GALNTL6: variants seen among roughly 807,000 people sequenced by gnomAD.
GALNTL6 encodes polypeptide N-acetylgalactosaminyltransferase like 6.
A neutral mutation model predicts 73.7 loss-of-function variants in GALNTL6; 46 were observed. That is an observed-to-expected ratio of 0.62 (90% CI 0.49 to 0.80). The LOEUF (loss-of-function observed/expected upper bound fraction) is 0.80, where lower values mean the gene tolerates loss of function less well. GALNTL6 is among the 30% of genes least tolerant of loss of function. The pLI, the probability that GALNTL6 is intolerant of heterozygous loss-of-function variation, is 0.00. For synonymous variants in GALNTL6, 259 were observed against 263.7 expected (o/e 0.98, Z 0.17); for missense variants, 604 against 755.0 (o/e 0.80, Z 2.34).
chr4:172,690,705 C>A (rs956151481), intron 5 of GALNTL6, among the ~76,000 whole-genome samples: 1 of 152,148 alleles, frequency 6.6e-6, no homozygotes, highest in Admixed American at 6.5e-5. Context: ...GATAACATTT[C>A]CCAATTAAAA....
At chr4:172,477,200 A>T (rs1324891412) in intron 5 of GALNTL6, among the ~76,000 whole-genome samples, 1 of 150,370 alleles carries the variant, frequency 6.7e-6, no homozygotes, top group East Asian at 1.9e-4. Context: ...AGAGAGAGAG[A>T]GAGAGCACTC....
chr4:171,962,765 C>CTTTTTTTTT (rs139917729), intron 2 of GALNTL6, among the ~76,000 whole-genome samples: 70 of 113,796 alleles, frequency 6.2e-4, no homozygotes, highest in East Asian at 8.0e-4. Context: ...CTTGCTTTTA[C>CTTTTTTTTT]TTTTTTTTTT....
intron 2 of GALNTL6, among the ~76,000 whole-genome samples, chr4:172,182,510 A>G (rs1735280871): frequency 6.7e-6 from 1 of 149,358 alleles, no homozygotes; most frequent in Non-Finnish European, 1.5e-5. Context: ...TAAATATTTT[A>G]TATTTAAAAT....
chr4:172,355,479 C>G (rs1036944403), intron 5 of GALNTL6, among the ~76,000 whole-genome samples: 3 of 152,196 alleles, frequency 2.0e-5, no homozygotes, highest in African/African-American at 7.2e-5. Flanking sequence ...GTTTCAATGT[C>G]TACCCTATAT....
chr4:172,639,473 A>G (rs1471191702), intron 5 of GALNTL6, among the ~76,000 whole-genome samples: 2 of 152,144 alleles, frequency 1.3e-5, no homozygotes, highest in African/African-American at 4.8e-5. Context: ...CTCTTTGCCT[A>G]GAACTATGGA....
intron 2 of GALNTL6, among the ~76,000 whole-genome samples, chr4:171,836,305 A>G (rs1391999174): frequency 6.6e-6 from 1 of 152,066 alleles, no homozygotes; most frequent in East Asian, 1.9e-4. Context: ...TCTCAGTCAC[A>G]TCCCTTTTTC....
At chr4:172,501,583 A>T (rs1734262142) in intron 5 of GALNTL6, among the ~76,000 whole-genome samples, 1 of 152,126 alleles carries the variant, frequency 6.6e-6, no homozygotes, top group Admixed American at 6.6e-5. Flanking sequence ...GAAGTTGCTA[A>T]GTATGTACTT....
intron 2 of GALNTL6, among the ~76,000 whole-genome samples, chr4:171,871,082 G>A (rs1378430488): frequency 6.6e-6 from 1 of 152,102 alleles, no homozygotes; most frequent in Non-Finnish European, 1.5e-5. Flanking sequence ...ATATTAATGT[G>A]TAATAATAAA....
At chr4:171,824,077 T>TTTTA (rs1301842709) in intron 2 of GALNTL6, among the ~76,000 whole-genome samples, 31 of 129,210 alleles carry the variant, frequency 2.4e-4, no homozygotes, top group Admixed American at 8.3e-4. Flanking sequence ...CAAATCCATT[T>TTTTA]TATATATATA....
intron 3 of GALNTL6, among the ~76,000 whole-genome samples, chr4:172,235,834 CT>C (rs1560983291): frequency 6.6e-6 from 1 of 152,068 alleles, no homozygotes. Context: ...CTATTCCCAT[CT>C]TTTTGTCCAG....
chr4:172,787,024 T>C (rs1739699934), intron 5 of GALNTL6, among the ~76,000 whole-genome samples: 1 of 152,150 alleles, frequency 6.6e-6, no homozygotes, highest in Non-Finnish European at 1.5e-5. Flanking sequence ...GACTTTCTAT[T>C]CTAGGCTGCA....
rs550642542 is a variant in GALNTL6 at position 171,899,475 on chromosome 4, A to C, written c.138+84757A>C. Reference sequence around the variant, plus strand: ...ATGTCAGGGCTCTTGCCATTTTCCTAGCAGCAGGAAAATCGTTTATTTAAT... The same window carrying C: ...ATGTCAGGGCTCTTGCCATTTTCCTCGCAGCAGGAAAATCGTTTATTTAAT... On this transcript the variant is annotated intron_variant, in intron 2 of 12. Transcript: ENST00000506823. 3.9e-5 allele frequency among the ~76,000 whole-genome samples: 6 copies of C among 152,236 alleles called. No homozygotes were observed. In the East Asian group the frequency reaches 9.7e-4, roughly 25 times the overall value.
chr4:172,395,809 G>T (rs1050218570), intron 5 of GALNTL6, among the ~76,000 whole-genome samples: 3 of 152,240 alleles, frequency 2.0e-5, no homozygotes, highest in African/African-American at 7.2e-5. Context: ...AAACATGAAT[G>T]TAATTTTAGT....
chr4:172,737,669 T>G (rs999561623), intron 5 of GALNTL6, among the ~76,000 whole-genome samples: 1 of 152,226 alleles, frequency 6.6e-6, no homozygotes, highest in East Asian at 1.9e-4. Context: ...CTGTTTGCTC[T>G]TGTTTCTTGT....
chr4:172,711,247 T>C (rs559349471), intron 5 of GALNTL6, among the ~76,000 whole-genome samples: 10 of 152,138 alleles, frequency 6.6e-5, no homozygotes, highest in Non-Finnish European at 1.0e-4. Flanking sequence ...GGGAAAAGCA[T>C]TCCAGGCAGA....
intron 5 of GALNTL6, among the ~76,000 whole-genome samples, chr4:172,432,120 A>G (rs1017735253): frequency 1.3e-5 from 2 of 152,092 alleles, no homozygotes; most frequent in Non-Finnish European, 2.9e-5. Flanking sequence ...CCTCTATCAC[A>G]TATCATAATA....
chr4:171,905,026 G>C (rs1298508003), intron 2 of GALNTL6, among the ~76,000 whole-genome samples: 3 of 152,120 alleles, frequency 2.0e-5, no homozygotes, highest in Non-Finnish European at 4.4e-5. Flanking sequence ...ACCGATACGA[G>C]CCACTGCAAA....
chr4:172,188,629 G>A (rs899104913), intron 2 of GALNTL6, among the ~76,000 whole-genome samples: 37 of 152,198 alleles, frequency 2.4e-4, no homozygotes, highest in African/African-American at 8.9e-4. Flanking sequence ...GGTGTGCTAA[G>A]GCAGTGTTTT....
At chr4:172,926,734 T>C (rs1688717938) in intron 8 of GALNTL6, among the ~76,000 whole-genome samples, 1 of 152,238 alleles carries the variant, frequency 6.6e-6, no homozygotes, top group African/African-American at 2.4e-5. Context: ...CAATAAGCAC[T>C]GACATTTGAT....
Sources: gnomAD v4.1 joint callset for allele counts (sites outside exome capture counted in the v4.1 genomes callset) on GRCh38, gnomAD v4.1.1 for gene constraint, MANE v1.5 for transcripts, NCBI Gene and HGNC (gene_info 2026-07-23, HGNC 2026-07-21) for gene names.